The following PTCD3 variants were observed in gnomAD, a reference collection of about 807,000 sequenced individuals.
The protein encoded by PTCD3 is small ribosomal subunit protein mS39.
Under a neutral mutation model 101.9 loss-of-function variants are expected in PTCD3, and 89 were observed. The observed-to-expected ratio is 0.87, with a 90% CI of 0.74 to 1.04. PTCD3 has a LOEUF of 1.04. PTCD3 is among the 50% of genes least tolerant of loss of function. PTCD3 has a pLI of 0.00. For synonymous variants in PTCD3, 296 were observed against 278.5 expected, an observed-to-expected ratio of 1.06 and a Z score of -0.63; for missense variants, 870 against 828.2, an observed-to-expected ratio of 1.05 and a Z score of -0.62.
chr2:86,130,875 G>C, intron 15 of PTCD3, 138 bp downstream of exon 15: 1 of 1,447,798 alleles, frequency 6.9e-7, no homozygotes, highest in Non-Finnish European at 9.1e-7. Context: ...GTACATAGTA[G>C]GTGTATATAG....
chr2:86,115,498 T>G (rs1036398270), intron 4 of PTCD3, among the ~76,000 whole-genome samples: 1 of 152,092 alleles, frequency 6.6e-6, no homozygotes, highest in Non-Finnish European at 1.5e-5. Context: ...GGAAAGGGGT[T>G]TTTGAAAGGG....
chr2:86,122,279 A>G (rs1055761583), intron 8 of PTCD3, among the ~76,000 whole-genome samples: 2 of 152,246 alleles, frequency 1.3e-5, no homozygotes, highest in African/African-American at 2.4e-5. Flanking sequence ...TCAGCAGTAT[A>G]TATTCCATTT....
rs758006626 is a variant in PTCD3, at chr2:86,127,182, G to A, written c.973G>A (p.Ala325Thr). 2.5e-6 allele frequency: 4 copies of A among 1,612,954 alleles called. No homozygotes were observed. The highest frequency in any genetic ancestry group is 3.4e-6 in the Non-Finnish European group (4 of 1,179,424). ...CTAGGAGCTGCTAAGACACATGGTT[G>A]CACAGAAGGTGAAACCAAATCTTCA... ...KILELLRHMV[A>T]QKVKPNLQTF... The change falls in exon 13 of 24, where the codon GCA becomes ACA. Residue 325 changes from alanine to threonine, a missense_variant. Coordinates refer to ENST00000254630, the MANE Select transcript of PTCD3 (RefSeq NM_017952.6).
chr2:86,137,321 C>T, intron 23 of PTCD3, 148 bp from the exon 24 acceptor site: 1 of 1,325,508 alleles, frequency 7.5e-7, no homozygotes, highest in Non-Finnish European at 1.0e-6. Flanking sequence ...CTGTTAGAAG[C>T]TTTTTGTTTC....
intron 4 of PTCD3, chr2:86,112,058 T>A (rs1306673621): frequency 4.8e-4 from 73 of 150,796 alleles, no homozygotes; most frequent in African/African-American, 1.8e-3. Context: ...TTTTTTTTTT[T>A]TTTTAATTTA....
In PTCD3 at chr2:86,134,869, G is replaced by GA; in HGVS notation, c.1661dup (p.Asp554GlufsTer7). ...GGTGGCATTTGCTGACTGTGCTGCTGATATCAAATCTGCGTATGAAAGCCA... is the reference window on the plus strand; with the variant it reads ...GGTGGCATTTGCTGACTGTGCTGCTGAATATCAAATCTGCGTATGAAAGCCA... On this transcript the variant is annotated frameshift_variant, in exon 21 of 24. Transcript: ENST00000254630. LOFTEE classifies it high-confidence loss of function. The GA allele has an allele frequency of 1.2e-6, 2 of 1,614,150 alleles. No homozygotes were observed. Among genetic ancestry groups the GA allele is most frequent in the Non-Finnish European group, 1.7e-6 (2 of 1,180,018 alleles).
chr2:86,133,981 G>A (rs911276933), intron 19 of PTCD3, among the ~76,000 whole-genome samples: 2 of 152,182 alleles, frequency 1.3e-5, no homozygotes, highest in Admixed American at 6.5e-5. Flanking sequence ...TGCTTCACAC[G>A]ACTGCTCTAA....
rs527374716 is a variant in PTCD3 at position 86,106,998 on chromosome 2, A to T, written c.104+647A>T. On this transcript the variant is annotated intron_variant, in intron 1 of 23. Transcript: ENST00000254630. ...TAGTGTTTGCCATTCACTTAATTGG[A>T]TGATAATAGACAGATTTCCTCATCT... is the stretch of plus-strand genomic sequence containing the variant. 166 of 384,574 alleles carry T rather than the reference A, an allele frequency of 4.3e-4. 2 individuals are homozygous for T. The highest frequency in any genetic ancestry group is 2.8e-3 in the South Asian group (145 of 51,584). The allele number at this position is 384,574 out of a possible 1,614,324, so 23.8% of individuals were successfully genotyped here. A position where few individuals can be genotyped will look rare whatever the true frequency, so the allele number is the denominator to read the frequency against.
intron 7 of PTCD3, chr2:86,119,575 C>G (rs182298141): frequency 6.5e-6 from 1 of 154,296 alleles, no homozygotes; most frequent in Non-Finnish European, 1.4e-5. Context: ...CCAGGATGGT[C>G]TCGATCTCCT....
At chr2:86,124,253 ATGTC>A in intron 9 of PTCD3, among the ~76,000 whole-genome samples, 1 of 152,232 alleles carries the variant, frequency 6.6e-6, no homozygotes, top group East Asian at 1.9e-4. Context: ...CTTCATGTGA[ATGTC>A]TGGAGAGGGA....
rs767164991 is a variant in PTCD3, at chr2:86,134,351, A to G, written c.1603A>G (p.Met535Val). The change falls in exon 20 of 24, where the codon ATG becomes GTG. Residue 535 changes from methionine (M) to valine (V), a missense_variant. Physicochemically the swap from Met to Val is conservative, Grantham distance 21 (BLOSUM62 1). Coordinates refer to ENST00000254630, the MANE Select transcript of PTCD3 (RefSeq NM_017952.6). ...CCTGAGAGAAGAGATCCTGATGCTC[A>G]TGGCAAGGGACAAGCACCCACCAGA... ...SDLREEILML[M>V]ARDKHPPELQ... 1.2e-6 allele frequency: 2 copies of G among 1,613,438 alleles called. No homozygotes were observed. Among genetic ancestry groups the G allele is most frequent in the Non-Finnish European group, 1.7e-6 (2 of 1,179,370 alleles).
chr2:86,130,629 T>C lies in PTCD3; in HGVS notation c.1148-19T>C. 6.2e-7 allele frequency: 1 copy of C among 1,604,210 alleles called. No homozygotes were observed. The highest frequency in any genetic ancestry group is 1.1e-5 in the South Asian group (1 of 89,050). On this transcript the variant is annotated intron_variant, in intron 14 of 23. Transcript: ENST00000254630. ...GGTAAAGGAAGTGGATTAAACACATTTGCTTTCTTGTTCTGCAGGAGACCC... is the reference window on the plus strand; with the variant it reads ...GGTAAAGGAAGTGGATTAAACACATCTGCTTTCTTGTTCTGCAGGAGACCC...
intron 18 of PTCD3, 45 bp downstream of exon 18, chr2:86,133,301 G>A (rs2104461517): frequency 6.2e-7 from 1 of 1,613,324 alleles, no homozygotes; most frequent in East Asian, 2.2e-5. Context: ...AGATGAATTG[G>A]GTTTCTGCAG....
At chr2:86,132,508 C>T (rs140535253) in intron 17 of PTCD3, 84 bp downstream of exon 17, 13,354 of 913,570 alleles carry the variant, frequency 0.015, 134 homozygotes, top group Non-Finnish European at 0.02. Flanking sequence ...CATACCTCAC[C>T]TCTGGTTTCA....
rs990917913 is a variant in PTCD3, at chr2:86,141,788, T to C, written c.*4229T>C. ...GCTGTGGAAATGGCAGTCGTGTGAC[T>C]TTTCACTTGCAGTTTAAATGAAAGG... On this transcript the variant is annotated 3_prime_UTR_variant, in exon 24 of 24. Coordinates refer to ENST00000254630, the MANE Select transcript of PTCD3 (RefSeq NM_017952.6). The C allele has an allele frequency of 6.6e-6, 1 of 152,208 alleles. No individual in the cohort carries two copies. The highest frequency in any genetic ancestry group is 1.5e-5 in the Non-Finnish European group (1 of 68,034). 9.4% of individuals were successfully genotyped at this position (152,208 alleles called of 1,614,324 possible). A position where few individuals can be genotyped will look rare whatever the true frequency, so the allele number is the denominator to read the frequency against.
At chr2:86,123,840 G>A in intron 9 of PTCD3, 78 bp downstream of exon 9, 1 of 937,702 alleles carries the variant, frequency 1.1e-6, no homozygotes, top group South Asian at 2.6e-5. Flanking sequence ...CTGTGAAGAT[G>A]TTTTCTTGTG....
chr2:86,112,429 C>G (rs1038142973), intron 4 of PTCD3, among the ~76,000 whole-genome samples: 1 of 150,936 alleles, frequency 6.6e-6, no homozygotes, highest in Non-Finnish European at 1.5e-5. Context: ...ATCACTAATC[C>G]CATCACTTTG....
intron 7 of PTCD3, among the ~76,000 whole-genome samples, chr2:86,120,102 A>G (rs1245526426): frequency 6.6e-6 from 1 of 152,236 alleles, no homozygotes; most frequent in Non-Finnish European, 1.5e-5. Context: ...ACAGCATCAG[A>G]TGTATGGCTG....
chr2:86,133,450 T>G lies in PTCD3; in HGVS notation c.1543+14T>G, dbSNP rs2241437. 0.039 allele frequency: 62,683 copies of G among 1,587,638 alleles called. 2,173 individuals are homozygous for G. Among genetic ancestry groups the G allele is most frequent in the East Asian group, 0.21 (9,603 of 44,742 alleles). Reference sequence around the variant, plus strand: ...AAATTTGGAAAGGTCAGTTTTACTTTTTATGTGTCCAGGTGCATCTCACCT... The same window carrying G: ...AAATTTGGAAAGGTCAGTTTTACTTGTTATGTGTCCAGGTGCATCTCACCT... On this transcript the variant is annotated intron_variant, in intron 19 of 23. Transcript: ENST00000254630.
Sources: allele counts gnomAD v4.1 joint callset (sites outside exome capture counted in the v4.1 genomes callset), GRCh38; gene constraint gnomAD v4.1.1; transcripts MANE v1.5; gene names NCBI Gene and HGNC (gene_info 2026-07-23, HGNC 2026-07-21).